The following PGF variants were observed in gnomAD, a reference collection of about 807,000 sequenced individuals.
PGF encodes placental growth factor, also known as placenta growth factor.
In PGF, 11 loss-of-function variants were observed where a neutral mutation model predicts 25.3. The ratio of observed to expected loss-of-function variants is 0.43; its 90% confidence interval spans 0.27 to 0.72. The LOEUF (loss-of-function observed/expected upper bound fraction) is 0.72, where lower values mean the gene tolerates loss of function less well. PGF is among the 30% of genes least tolerant of loss of function. PGF has a pLI of 0.18. For missense variants in PGF, 230 were observed against 234.9 expected, an observed-to-expected ratio of 0.98 and a Z score of 0.14; for synonymous variants, 105 against 97.9, an observed-to-expected ratio of 1.07 and a Z score of -0.43.
At chr14:74,943,427 A>T (rs1276337805) in intron 6 of PGF, among the ~76,000 whole-genome samples, 1 of 152,244 alleles carries the variant, frequency 6.6e-6, no homozygotes, top group Non-Finnish European at 1.5e-5. Flanking sequence ...CAAGGCTTTC[A>T]ACAAAACTGA....
At chr14:74,948,665 A>AGAG in intron 3 of PGF, 82 bp from the exon 4 acceptor site, 4 of 851,620 alleles carry the variant, frequency 4.7e-6, no homozygotes, top group Non-Finnish European at 7.5e-6. Context: ...TTGTAAGGAG[A>AGAG]ACCCGACTCT....
rs781318192 is a variant in PGF, at chr14:74,949,421, G to T, written c.251C>A (p.Thr84Asn). 1 of 1,610,438 alleles carries T rather than the reference G, an allele frequency of 6.2e-7. No homozygotes were observed. Among genetic ancestry groups the T allele is most frequent in the Non-Finnish European group, 8.5e-7 (1 of 1,178,514 alleles). The change falls in exon 3 of 7, where the codon ACC (threonine) becomes AAC (asparagine). Residue 84 changes from threonine to asparagine, a missense_variant. Physicochemically the swap from Thr to Asn is moderately conservative, Grantham distance 65. Transcript: ENST00000555567. The stretch of plus-strand genomic sequence containing the variant: ...CAGATTCTCATCGCCGCAGCAGCCG[G>T]TGCAGCGCAGCAGGGAGACACAGGA... ...SPSCVSLLRC[T>N]GCCGDENLHC...
Position 74,949,411 on chromosome 14 carries a change from G to A in PGF, c.261C>T (p.Cys87=), listed in dbSNP as rs201159181. ...CVSLLRCTGC[C]GDENLHCVPV... ...GCACACAGTGCAGATTCTCATCGCC[G>A]CAGCAGCCGGTGCAGCGCAGCAGGG... Residue 87 remains cysteine (C), a synonymous_variant, in exon 3 of 7, where the codon TGC becomes TGT. Transcript: ENST00000555567. The A allele has an allele frequency of 3.1e-5, 50 of 1,606,442 alleles. No homozygotes were observed. The highest frequency in any genetic ancestry group is 3.1e-4 in the African/African-American group (23 of 74,600).
At chr14:74,947,831 G>C (rs1019517711) in intron 4 of PGF, 1 of 152,332 alleles carries the variant, frequency 6.6e-6, no homozygotes, top group African/African-American at 2.4e-5. Context: ...CCATGGCCCA[G>C]TAGTACCAGG....
chr14:74,942,806 G>T (rs1391209370), intron 6 of PGF, 73 bp from the exon 7 acceptor site: 5 of 1,454,046 alleles, frequency 3.4e-6, no homozygotes, highest in Non-Finnish European at 4.7e-6. Context: ...CTATGGAGGA[G>T]GGGGCAGGCC....
chr14:74,951,269 G>T (rs1435512288), intron 2 of PGF, among the ~76,000 whole-genome samples: 2 of 152,128 alleles, frequency 1.3e-5, no homozygotes, highest in South Asian at 2.1e-4. Context: ...CTACCACTCC[G>T]CGCCACTGGA....
rs756166697 is a variant in PGF, at chr14:74,950,010, C to G, written c.119-457G>C. On this transcript the variant is annotated intron_variant, in intron 2 of 6. Transcript: ENST00000555567. This position sits in a 1 kb window ranked among gnomAD's most constrained non-coding sequence, Gnocchi z 4.1. ...TTCCACGGCTCCCTCATTTCCTGCC[C>G]CACTCTGTGCCAGCTCCTCTGCCTG... Among the ~76,000 whole-genome samples the G allele has an allele frequency of 6.6e-6, 1 of 152,134 alleles. No homozygotes were observed. Among genetic ancestry groups the G allele is most frequent in the Non-Finnish European group, 1.5e-5 (1 of 68,032 alleles).
chr14:74,942,379 C>A lies in PGF; in HGVS notation c.*327G>T, dbSNP rs559970743. 2 of 328,896 alleles carry A rather than the reference C, an allele frequency of 6.1e-6. No individual in the cohort carries two copies. Among genetic ancestry groups the A allele is most frequent in the South Asian group, 6.2e-5 (2 of 32,004 alleles). 20.4% of individuals were successfully genotyped at this position (328,896 alleles called of 1,614,324 possible). ...GAGGCCCAAGAACAGGTAGCAGGGC[C>A]CCCTTCTTTCCTTCTGCAGGCCCCT... On this transcript the variant is annotated 3_prime_UTR_variant, in exon 7 of 7. Transcript: ENST00000555567.
intron 4 of PGF, 172 bp downstream of exon 4, chr14:74,948,335 A>C (rs1325557564): frequency 2.0e-6 from 1 of 489,156 alleles, no homozygotes; most frequent in East Asian, 3.3e-5. Context: ...GGGGGACAAA[A>C]TGAATGGTAG....
Position 74,953,925 on chromosome 14 carries a change from T to C in PGF, c.97A>G (p.Asn33Asp), listed in dbSNP as rs1430232754. The part of the protein sequence containing the change: ...PPQQWALSAG[N>D]GSSEVEVVPF... ...TTACCTTCCACCTCTGACGAGCCGT[T>C]CCCAGCAGACAAGGCCCACTGCTAT... The change falls in exon 2 of 7, where the codon AAC becomes GAC. Residue 33 changes from asparagine (N) to aspartate (D), a missense_variant. Transcript: ENST00000555567. The surrounding 1 kb of genome is among the most constrained non-coding windows in gnomAD (Gnocchi z 5.4). 6.2e-7 allele frequency: 1 copy of C among 1,613,816 alleles called. No individual in the cohort carries two copies.
intron 3 of PGF, 86 bp from the exon 4 acceptor site, chr14:74,948,669 C>T (rs909633629): frequency 3.7e-5 from 30 of 818,816 alleles, no homozygotes; most frequent in Middle Eastern, 2.3e-4. Context: ...AAGGAGAACC[C>T]GACTCTGTTT....
chr14:74,946,749 T>C (rs1888747191), intron 4 of PGF: 1 of 703,782 alleles, frequency 1.4e-6, no homozygotes, highest in Non-Finnish European at 2.6e-6. Context: ...TGCTGCTTTT[T>C]TCCGTTCCTT....
intron 1 of PGF, 189 bp from the exon 2 acceptor site, chr14:74,954,135 C>A: frequency 1.7e-6 from 1 of 604,124 alleles, no homozygotes; most frequent in South Asian, 2.0e-5. Flanking sequence ...TTAGGTCCCA[C>A]CCCTCTCTGG....
intron 3 of PGF, among the ~76,000 whole-genome samples, 162 bp from the exon 4 acceptor site, chr14:74,948,745 T>C (rs1033977562): frequency 6.6e-6 from 1 of 152,190 alleles, no homozygotes; most frequent in African/African-American, 2.4e-5. Context: ...CTCTCTCAGC[T>C]GCATGGGGAT....
At chr14:74,943,590 T>G (rs1479207813) in intron 6 of PGF, among the ~76,000 whole-genome samples, 1 of 152,214 alleles carries the variant, frequency 6.6e-6, no homozygotes, top group South Asian at 2.1e-4. Flanking sequence ...GTGAACATGG[T>G]TTCTCAACCT....
intron 6 of PGF, chr14:74,945,993 T>C: frequency 1.7e-6 from 1 of 571,702 alleles, no homozygotes; most frequent in Non-Finnish European, 3.1e-6. Flanking sequence ...GTGAAATGAT[T>C]TGTTGAAGGT....
chr14:74,949,297 C>G, intron 3 of PGF, 60 bp downstream of exon 3: 5 of 1,334,904 alleles, frequency 3.7e-6, no homozygotes, highest in Non-Finnish European at 4.0e-6. Flanking sequence ...ATCTTCTTCC[C>G]TCTCCAGGTA....
intron 2 of PGF, 79 bp from the exon 3 acceptor site, chr14:74,949,632 G>C (rs902879161): frequency 2.6e-6 from 3 of 1,172,484 alleles, no homozygotes; most frequent in Non-Finnish European, 3.5e-6. Flanking sequence ...CCAAGGCCCT[G>C]CTGGCCTTCC....
At position 74,950,907 on chromosome 14, in the gene PGF, C is replaced by G. The variant is rs913708613; in HGVS notation, c.119-1354G>C. On this transcript the variant is annotated intron_variant, in intron 2 of 6. Coordinates refer to ENST00000555567, the MANE Select transcript of PGF (RefSeq NM_002632.6). This position sits in a 1 kb window ranked among gnomAD's most constrained non-coding sequence, Gnocchi z 4.1. ...GAGCTGGGGGTCCTGCAGCCTCTGC[C>G]ATGGAACAATGGCCTCTCCCAGCAA... Among the ~76,000 whole-genome samples, 2 of 152,144 alleles carry G rather than the reference C, an allele frequency of 1.3e-5. No individual in the cohort carries two copies. Among genetic ancestry groups the G allele is most frequent in the African/African-American group, 4.8e-5 (2 of 41,420 alleles).
Sources: allele counts gnomAD v4.1 joint callset (sites outside exome capture counted in the v4.1 genomes callset), GRCh38; gene constraint gnomAD v4.1.1; non-coding constraint Gnocchi (gnomAD v3.1); transcripts MANE v1.5; gene names NCBI Gene and HGNC (gene_info 2026-07-23, HGNC 2026-07-21).